The following TTC16 variants were observed in gnomAD, a reference collection of about 807,000 sequenced individuals.
TTC16 encodes the protein tetratricopeptide repeat protein 16.
In TTC16, 66 loss-of-function variants were observed where a neutral mutation model predicts 80.4. The ratio of observed to expected loss-of-function variants is 0.82; its 90% CI spans 0.67 to 1.01. The LOEUF is 1.01. Ranked by LOEUF, TTC16 falls within the 50% of genes least tolerant of loss-of-function variation. TTC16 has a pLI of 0.00. For missense variants in TTC16, 1,070 were observed against 1,103.2 expected, an observed-to-expected ratio of 0.97 and a Z score of 0.43; for synonymous variants, 438 against 451.3, an observed-to-expected ratio of 0.97 and a Z score of 0.37.
intron 8 of TTC16, 142 bp from the exon 9 acceptor site, chr9:127,724,613 AG>A: frequency 8.0e-7 from 1 of 1,248,846 alleles, no homozygotes; most frequent in Non-Finnish European, 1.1e-6. Flanking sequence ...CCAGACGCCC[AG>A]AAAACTAGAG....
At position 127,731,044 on chromosome 9, in the gene TTC16, G is replaced by A. The variant is rs1266072852; in HGVS notation, c.2261G>A (p.Gly754Asp). The A allele has an allele frequency of 6.2e-7, 1 of 1,612,852 alleles. No individual in the cohort carries two copies. Among genetic ancestry groups the A allele is most frequent in the Non-Finnish European group, 8.5e-7 (1 of 1,179,898 alleles). The change falls in exon 14 of 14, where the codon GGC (glycine) becomes GAC (aspartate). Residue 754 changes from glycine (G) to aspartate (D), a missense_variant. Physicochemically the swap from Gly to Asp is moderately conservative, Grantham distance 94. Coordinates refer to ENST00000373289, the MANE Select transcript of TTC16 (RefSeq NM_144965.3). ...QSSSEIEATQ[G>D]PRQEPSKTKT... ...TCCAGCGAGATTGAGGCCACCCAGG[G>A]CCCAAGGCAGGAGCCCAGCAAGACC... is the stretch of plus-strand genomic sequence containing the variant.
At position 127,727,199 on chromosome 9, in the gene TTC16, G is replaced by A. The variant is rs556086562; in HGVS notation, c.1569-71G>A. ...CTGGCTCCAGCTGCATGACGGGGCC[G>A]TTGTCTAGTCCTTGGAGAGACCAGC... On this transcript the variant is annotated intron_variant, in intron 11 of 13. Coordinates refer to ENST00000373289, the MANE Select transcript of TTC16 (RefSeq NM_144965.3). 75 of 1,523,232 alleles carry A rather than the reference G, an allele frequency of 4.9e-5. No individual in the cohort carries two copies. In the Middle Eastern group the frequency reaches 5.4e-4, roughly 11 times the overall value. The allele number at this position is 1,523,232 out of a possible 1,614,324, so 94.4% of individuals were successfully genotyped here. A position where few individuals can be genotyped will look rare whatever the true frequency, so the allele number is the denominator to read the frequency against.
rs567885305 is a variant in TTC16, at chr9:127,729,455, G to A, written c.1765-126G>A. 6.9e-5 allele frequency: 51 copies of A among 739,414 alleles called. No individual in the cohort carries two copies. In the South Asian group the frequency reaches 7.6e-4, roughly 11 times the overall value. 45.8% of individuals were successfully genotyped at this position (739,414 alleles called of 1,614,324 possible). ...GCGTGTCCCCACCCCACTCTAACCT[G>A]GCACCTTCAAAGACCTCCAAGCTCA... is the stretch of plus-strand genomic sequence containing the variant. On this transcript the variant is annotated intron_variant, in intron 12 of 13. Transcript: ENST00000373289.
At chr9:127,726,787 C>CAAAA (rs55676226) in intron 10 of TTC16, among the ~76,000 whole-genome samples, 183 bp from the exon 11 acceptor site, 11 of 127,806 alleles carry the variant, frequency 8.6e-5, no homozygotes, top group Non-Finnish European at 1.4e-4. Context: ...GACTCTGTCT[C>CAAAA]AAAAAAAAAA....
At chr9:127,727,227 G>T in intron 11 of TTC16, 43 bp from the exon 12 acceptor site, 1 of 1,532,160 alleles carries the variant, frequency 6.5e-7, no homozygotes, top group South Asian at 1.3e-5. Flanking sequence ...AGACCAGCAT[G>T]GGCCAGGGAG....
Position 127,717,751 on chromosome 9 carries a change from C to A in TTC16, c.405C>A (p.Leu135=), listed in dbSNP as rs761718931. 141 of 1,613,542 alleles carry A rather than the reference C, an allele frequency of 8.7e-5. 4 individuals are homozygous for A. Among genetic ancestry groups the A allele is most frequent in the Non-Finnish European group, 8.1e-5 (96 of 1,179,976 alleles). Residue 135 remains leucine, a synonymous_variant, in exon 4 of 14, where the codon CTC becomes CTA. Coordinates refer to ENST00000373289, the MANE Select transcript of TTC16 (RefSeq NM_144965.3). The part of the protein sequence containing the change: ...QQDNCKHLER[L]TFVLYLQGQC... ...ACAACTGCAAGCACCTGGAGCGCCTCACCTTTGTGCTCTACCTACAGGTGC... is the reference window on the plus strand; with the variant it reads ...ACAACTGCAAGCACCTGGAGCGCCTAACCTTTGTGCTCTACCTACAGGTGC...
At chr9:127,724,583 A>G in intron 8 of TTC16, 173 bp from the exon 9 acceptor site, 1 of 1,114,162 alleles carries the variant, frequency 9.0e-7, no homozygotes, top group South Asian at 1.6e-5. Context: ...TGCTCAAAAC[A>G]GGCAGCTGGG....
Position 127,724,107 on chromosome 9 carries a change from C to CG in TTC16, c.873-13_873-12insG, listed in dbSNP as rs774942883. ...CATGTCCCTCCTGCCGTCTCCCACG[C>CG]CCCCCCCGACAGGGGCACCATGTAC... On this transcript the variant is annotated splice_polypyrimidine_tract_variant and intron_variant, in intron 7 of 13. Coordinates refer to ENST00000373289, the MANE Select transcript of TTC16 (RefSeq NM_144965.3). 9 of 1,443,306 alleles carry CG rather than the reference C, an allele frequency of 6.2e-6. No individual in the cohort carries two copies. In the East Asian group the frequency reaches 9.7e-5, roughly 15 times the overall value. The allele number at this position is 1,443,306 out of a possible 1,614,324, so 89.4% of individuals were successfully genotyped here. A position where few individuals can be genotyped will look rare whatever the true frequency, so the allele number is the denominator to read the frequency against.
chr9:127,724,002 C>T lies in TTC16; in HGVS notation c.873-118C>T, dbSNP rs1176875463. ...CCTAGCAAATGAGGTGGGATCCCCA[C>T]TGCCTCCATGGGTCAGGAGGCCCAG... On this transcript the variant is annotated intron_variant, in intron 7 of 13. Transcript: ENST00000373289. 5.2e-6 allele frequency: 7 copies of T among 1,353,842 alleles called. No individual in the cohort carries two copies. In the Admixed American group the frequency reaches 2.0e-4, roughly 38 times the overall value. 83.9% of individuals were successfully genotyped at this position (1,353,842 alleles called of 1,614,324 possible). A position where few individuals can be genotyped will look rare whatever the true frequency, so the allele number is the denominator to read the frequency against.
Position 127,722,871 on chromosome 9 carries a change from G to A in TTC16, c.658-248G>A, listed in dbSNP as rs1843612239. 6.6e-6 allele frequency among the ~76,000 whole-genome samples: 1 copy of A among 152,064 alleles called. No individual in the cohort carries two copies. The highest frequency in any genetic ancestry group is 2.4e-5 in the African/African-American group (1 of 41,384). The stretch of plus-strand genomic sequence containing the variant: ...TAGTCCCAGCTACTCAGGAGGCTGA[G>A]GTGGAAGAATCGCTTGAACCCGGGA... On this transcript the variant is annotated intron_variant, in intron 6 of 13. Transcript: ENST00000373289. This position sits in a 1 kb window ranked among gnomAD's most constrained non-coding sequence, Gnocchi z 4.2.
chr9:127,726,349 T>C lies in TTC16; in HGVS notation c.1370T>C (p.Phe457Ser), dbSNP rs148856592. Residue 457 changes from phenylalanine (F) to serine (S), a missense_variant, in exon 10 of 14, where the codon TTT (phenylalanine) becomes TCT (serine). Phe to Ser is a radical substitution (Grantham distance 155). Transcript: ENST00000373289. ...AGCCGGCAGCTGCTGCAGAACATTTTTGGGGCCCGCCAGGATGTGGCCACT... is the reference window on the plus strand; with the variant it reads ...AGCCGGCAGCTGCTGCAGAACATTTCTGGGGCCCGCCAGGATGTGGCCACT... ...AKSRQLLQNIFGARQDVATVL... is the reference protein window; with the variant it reads ...AKSRQLLQNISGARQDVATVL... 5.6e-6 allele frequency: 9 copies of C among 1,612,168 alleles called. No individual in the cohort carries two copies. Among genetic ancestry groups the C allele is most frequent in the African/African-American group, 5.3e-5 (4 of 74,862 alleles).
chr9:127,723,308 C>T lies in TTC16; in HGVS notation c.847C>T (p.Leu283=). 6.2e-7 allele frequency: 1 copy of T among 1,612,862 alleles called. No homozygotes were observed. The highest frequency in any genetic ancestry group is 8.5e-7 in the Non-Finnish European group (1 of 1,179,946). ...CAACCGTGCCATCGAGAACAACCCT[C>T]TGGACCCCAGTCTCTTCCTCTTCCG... ...RINRAIENNP[L]DPSLFLFRGT... is the part of the protein sequence containing the mutation. The change falls in exon 7 of 14, where the codon CTG becomes TTG. Residue 283 remains leucine (L), a synonymous_variant. Coordinates refer to ENST00000373289, the MANE Select transcript of TTC16 (RefSeq NM_144965.3).
In TTC16 at chr9:127,727,017, G is replaced by C. The variant is rs1844034456; in HGVS notation, c.1473G>C (p.Glu491Asp). The change falls in exon 11 of 14, where the codon GAG becomes GAC. Residue 491 changes from glutamate (E) to aspartate (D), a missense_variant. Transcript: ENST00000373289. The part of the protein sequence containing the change: ...TNLFPGMSVE[E>D]VLSTQIAHLA... ...TCTTCCCGGGCATGTCGGTGGAGGA[G>C]GTGCTTAGCACCCAGATAGCCCACC... The C allele has an allele frequency of 6.2e-7, 1 of 1,612,970 alleles. No homozygotes were observed. The highest frequency in any genetic ancestry group is 1.1e-5 in the South Asian group (1 of 91,086).
At position 127,727,463 on chromosome 9, in the gene TTC16, G is replaced by C. The variant is rs949746798; in HGVS notation, c.1762G>C (p.Glu588Gln). The stretch of plus-strand genomic sequence containing the variant: ...GGAAGAAAAGGAGAAGGAGAAAAAA[G>C]AGGTAAGTGGAGTACAGGCCAGGGC... ...EEEEKEKEKK[E>Q]EKKSELIPSK... Residue 588 changes from glutamate to glutamine, a missense_variant and splice_region_variant, in exon 12 of 14, where the codon GAG becomes CAG. Physicochemically the swap from Glu to Gln is conservative, Grantham distance 29. Coordinates refer to ENST00000373289, the MANE Select transcript of TTC16 (RefSeq NM_144965.3). 5 of 1,565,792 alleles carry C rather than the reference G, an allele frequency of 3.2e-6. No individual in the cohort carries two copies. In the African/African-American group the frequency reaches 6.8e-5, roughly 21 times the overall value.
At chr9:127,724,399 G>A in intron 8 of TTC16, 35 bp downstream of exon 8, 1 of 1,604,820 alleles carries the variant, frequency 6.2e-7, no homozygotes, top group Non-Finnish European at 8.5e-7. Context: ...GAGGGGGGGT[G>A]CGGGGGAGCC....
chr9:127,723,157 G>A lies in TTC16; in HGVS notation c.696G>A (p.Leu232=), dbSNP rs779040655. 5.3e-5 allele frequency: 86 copies of A among 1,612,618 alleles called. 2 individuals carry two copies. In the South Asian group the frequency reaches 8.9e-4, roughly 17 times the overall value. Residue 232 remains leucine, a synonymous_variant, in exon 7 of 14, where the codon CTG becomes CTA. Transcript: ENST00000373289. ...ACCGGGACCTGCACAGCGCCTTGCTGTTGAATCCCAAGCACCCGCAGGCCA... is the reference window on the plus strand; with the variant it reads ...ACCGGGACCTGCACAGCGCCTTGCTATTGAATCCCAAGCACCCGCAGGCCA... ...LCYRDLHSAL[L]LNPKHPQARM...
intron 6 of TTC16, among the ~76,000 whole-genome samples, chr9:127,721,448 T>C (rs1164564134): frequency 1.6e-5 from 2 of 124,094 alleles, no homozygotes; most frequent in Non-Finnish European, 3.2e-5. Flanking sequence ...CCTGGTGTTC[T>C]GGCTTGGCCT....
chr9:127,724,134 G>A lies in TTC16; in HGVS notation c.887G>A (p.Arg296Gln), dbSNP rs372108767. 1.2e-5 allele frequency: 20 copies of A among 1,611,296 alleles called. No individual in the cohort carries two copies. The highest frequency in any genetic ancestry group is 8.0e-5 in the African/African-American group (6 of 74,822). Reference protein sequence around the residue: ...SLFLFRGTMYRRLQEFDGAVE... With the variant: ...SLFLFRGTMYQRLQEFDGAVE... ...CCCCCCGACAGGGGCACCATGTACC[G>A]ACGGCTCCAGGAGTTCGATGGGGCA... The change falls in exon 8 of 14, where the codon CGA becomes CAA. Residue 296 changes from arginine (R) to glutamine (Q), a missense_variant. Arg to Gln is a conservative substitution (Grantham distance 43). Coordinates refer to ENST00000373289, the MANE Select transcript of TTC16 (RefSeq NM_144965.3).
rs765320647 is a variant in TTC16, at chr9:127,731,468, C to A, written c.*63C>A. ...GACGAGTTCTACCCACCTCCCCACACTGGCACTCAGCCAGCTGCCTCCTTC... is the reference window on the plus strand; with the variant it reads ...GACGAGTTCTACCCACCTCCCCACAATGGCACTCAGCCAGCTGCCTCCTTC... On this transcript the variant is annotated 3_prime_UTR_variant, in exon 14 of 14. Transcript: ENST00000373289. 6.5e-7 allele frequency: 1 copy of A among 1,535,234 alleles called. No individual in the cohort carries two copies. The highest frequency in any genetic ancestry group is 2.3e-5 in the East Asian group (1 of 44,176).
Sources: gnomAD v4.1 joint callset for allele counts (sites outside exome capture counted in the v4.1 genomes callset) on GRCh38, gnomAD v4.1.1 for gene constraint, Gnocchi (gnomAD v3.1) non-coding constraint, MANE v1.5 for transcripts, NCBI Gene and HGNC (gene_info 2026-07-23, HGNC 2026-07-21) for gene names.